Variants in ARHGAP25 observed in about 807,000 individuals in gnomAD.
The protein encoded by ARHGAP25 is Rho GTPase activating protein 25.
In ARHGAP25, 34 loss-of-function variants were observed where a neutral mutation model predicts 71.0. The ratio of observed to expected loss-of-function variants is 0.48; its 90% CI spans 0.36 to 0.64. The LOEUF (loss-of-function observed/expected upper bound fraction) is 0.64. Among genes scored for constraint, ARHGAP25 ranks in the 30% least tolerant of loss-of-function variants. ARHGAP25 has a pLI of 0.00. For missense variants in ARHGAP25, 706 were observed against 805.1 expected (o/e 0.88, Z 1.49); for synonymous variants, 282 against 296.5 (o/e 0.95, Z 0.50).
At chr2:68,801,494 T>A (rs1481270790) in intron 4 of ARHGAP25, among the ~76,000 whole-genome samples, 1 of 152,218 alleles carries the variant, frequency 6.6e-6, no homozygotes, top group African/African-American at 2.4e-5. Flanking sequence ...GATAGAGTAG[T>A]TAAGATGAAG....
chr2:68,801,775 A>G (rs1365259086), intron 4 of ARHGAP25, among the ~76,000 whole-genome samples: 1 of 152,222 alleles, frequency 6.6e-6, no homozygotes, highest in Non-Finnish European at 1.5e-5. Context: ...CAGTGATAAC[A>G]TCGAGGAACA....
intron 3 of ARHGAP25, among the ~76,000 whole-genome samples, chr2:68,785,708 A>AG (rs1391893248): frequency 6.6e-6 from 1 of 152,198 alleles, no homozygotes; most frequent in Non-Finnish European, 1.5e-5. Flanking sequence ...AACTTGGAGT[A>AG]GGGGGAAGAA....
chr2:68,732,983 C>T (rs1675064611), upstream of ARHGAP25, among the ~76,000 whole-genome samples: 1 of 152,210 alleles, frequency 6.6e-6, no homozygotes, highest in Non-Finnish European at 1.5e-5. Context: ...GCTGGAAATA[C>T]ACATTGGAAT....
At chr2:68,766,761 C>T (rs112901003) in intron 1 of ARHGAP25, among the ~76,000 whole-genome samples, 1 of 151,138 alleles carries the variant, frequency 6.6e-6, no homozygotes, top group African/African-American at 2.4e-5. Flanking sequence ...ATTCTCTCTC[C>T]CTCTCTCTTG....
intron 10 of ARHGAP25, among the ~76,000 whole-genome samples, chr2:68,824,699 G>A (rs1324017016): frequency 6.6e-6 from 1 of 152,046 alleles, no homozygotes; most frequent in East Asian, 1.9e-4. Context: ...CCGAGATCAT[G>A]CCACTGCACT....
intron 7 of ARHGAP25, chr2:68,817,005 T>C (rs1180421246): frequency 5.9e-5 from 9 of 152,250 alleles, no homozygotes; most frequent in Admixed American, 6.5e-5. Flanking sequence ...TTTGGCATTT[T>C]TCCTTCTGGG....
At chr2:68,824,642 T>TTTA (rs1681971976) in intron 10 of ARHGAP25, among the ~76,000 whole-genome samples, 1 of 151,978 alleles carries the variant, frequency 6.6e-6, no homozygotes, top group South Asian at 2.1e-4. Flanking sequence ...CTCAGGAGGC[T>TTTA]GAGGCAGGAG....
At chr2:68,775,908 T>C (rs780698137) in intron 2 of ARHGAP25, 78 of 315,496 alleles carry the variant, frequency 2.5e-4, no homozygotes, top group Non-Finnish European at 4.6e-4. Context: ...ACATAACAAA[T>C]AAGAAAAGTA....
At chr2:68,822,234 TATGCTACCAGGA>T in intron 9 of ARHGAP25, 94 bp from the exon 10 acceptor site, 1 of 1,076,110 alleles carries the variant, frequency 9.3e-7, no homozygotes, top group Non-Finnish European at 1.4e-6. Flanking sequence ...ATTTCATAGG[TATGCTACCAGGA>T]AACTTTTGTT....
intron 5 of ARHGAP25, among the ~76,000 whole-genome samples, chr2:68,811,261 G>A (rs1680793929): frequency 6.6e-6 from 1 of 152,190 alleles, no homozygotes; most frequent in Non-Finnish European, 1.5e-5. Flanking sequence ...AAGACTGATT[G>A]GATGGGGGTG....
At chr2:68,806,045 A>C (rs1680336216) in intron 4 of ARHGAP25, among the ~76,000 whole-genome samples, 1 of 152,240 alleles carries the variant, frequency 6.6e-6, no homozygotes, top group Non-Finnish European at 1.5e-5. Flanking sequence ...CTCCACGCAG[A>C]CAGAGCTGGG....
chr2:68,766,597 G>A (rs1383173769), intron 1 of ARHGAP25, among the ~76,000 whole-genome samples: 1 of 152,182 alleles, frequency 6.6e-6, no homozygotes, highest in African/African-American at 2.4e-5. Flanking sequence ...GGCACCCTAG[G>A]TGAAACAAAT....
At chr2:68,781,886 G>A (rs988219731) in intron 2 of ARHGAP25, among the ~76,000 whole-genome samples, 1 of 152,160 alleles carries the variant, frequency 6.6e-6, no homozygotes, top group East Asian at 1.9e-4. Context: ...GGTCTCCACA[G>A]CCTCAGCATT....
At chr2:68,782,140 C>A in intron 2 of ARHGAP25, 93 bp from the exon 3 acceptor site, 2 of 1,137,040 alleles carry the variant, frequency 1.8e-6, no homozygotes, top group Admixed American at 1.8e-5. Flanking sequence ...TACTCTCCTC[C>A]CCATCCCATC....
At chr2:68,825,226 A>G (rs1465190561) in intron 10 of ARHGAP25, among the ~76,000 whole-genome samples, 1 of 152,168 alleles carries the variant, frequency 6.6e-6, no homozygotes, top group Non-Finnish European at 1.5e-5. Flanking sequence ...GAGATCCTTA[A>G]TAAGAAAGGG....
At chr2:68,744,275 A>C (rs1306389942) in intron 1 of ARHGAP25, among the ~76,000 whole-genome samples, 1 of 151,724 alleles carries the variant, frequency 6.6e-6, no homozygotes, top group South Asian at 2.1e-4. Context: ...TTCCAACTCT[A>C]TCTCTCCCTC....
intron 1 of ARHGAP25, among the ~76,000 whole-genome samples, chr2:68,745,593 C>A (rs892504381): frequency 6.6e-6 from 1 of 152,158 alleles, no homozygotes; most frequent in Admixed American, 6.5e-5. Flanking sequence ...AGCTGAACAT[C>A]GCTGGAGAAG....
chr2:68,802,785 C>CT (rs920480052), intron 4 of ARHGAP25, among the ~76,000 whole-genome samples: 4 of 151,612 alleles, frequency 2.6e-5, no homozygotes, highest in Non-Finnish European at 5.9e-5. Context: ...AAATAAAACA[C>CT]TTTTTTTATG....
intron 9 of ARHGAP25, among the ~76,000 whole-genome samples, chr2:68,820,325 T>C (rs1284432977): frequency 2.0e-5 from 3 of 152,100 alleles, no homozygotes; most frequent in African/African-American, 7.2e-5. Context: ...TTACATAACA[T>C]TGTAGGGCAG....
Sources: gnomAD v4.1 joint callset for allele counts (sites outside exome capture counted in the v4.1 genomes callset) on GRCh38, gnomAD v4.1.1 for gene constraint, MANE v1.5 for transcripts, NCBI Gene and HGNC (gene_info 2026-07-23, HGNC 2026-07-21) for gene names.